DGKK: variants seen among roughly 807,000 people sequenced by gnomAD.
The protein encoded by DGKK is diacylglycerol kinase kappa, also known as 142 kDa diacylglycerol kinase.
DGKK carries 35 observed loss-of-function variants against 92.2 expected under a neutral mutation model. That is an observed-to-expected ratio of 0.38 (90% CI 0.29 to 0.50). DGKK has a LOEUF of 0.50. Ranked by LOEUF, DGKK falls within the 20% of genes least tolerant of loss-of-function variation. DGKK has a pLI of 0.92. For synonymous variants in DGKK, 368 were observed against 360.6 expected (o/e 1.02, Z -0.23); for missense variants, 910 against 992.2 (o/e 0.92, Z 1.11).
At chrX:50,446,395 C>T (rs1264675963) in intron 1 of DGKK, among the ~76,000 whole-genome samples, 1 of 111,245 alleles carries the variant, frequency 9.0e-6, no homozygotes, top group African/African-American at 3.3e-5. Flanking sequence ...GTTGTCATTA[C>T]TTTTTTATTT....
intron 8 of DGKK, 111 bp downstream of exon 8, chrX:50,400,926 C>A: frequency 1.4e-6 from 1 of 726,085 alleles, no homozygotes; most frequent in East Asian, 3.5e-5. Context: ...CCTACTTCCC[C>A]AAAATGTTTG....
chrX:50,447,871 TA>T (rs1227985455), intron 1 of DGKK, among the ~76,000 whole-genome samples: 8 of 110,412 alleles, frequency 7.2e-5, no homozygotes, highest in East Asian at 2.9e-4. Context: ...GCTTTTCAAT[TA>T]TTTTTTTTAA....
intron 1 of DGKK, among the ~76,000 whole-genome samples, chrX:50,442,699 A>G (rs1030085660): frequency 9.0e-6 from 1 of 111,346 alleles, no homozygotes; most frequent in Non-Finnish European, 1.9e-5. Flanking sequence ...ACCATTTATT[A>G]TCTCAGTTTC....
chrX:50,371,961 G>T, intron 25 of DGKK, 127 bp from the exon 26 acceptor site: 1 of 419,686 alleles, frequency 2.4e-6, no homozygotes, highest in Non-Finnish European at 4.1e-6. Context: ...TATCCCTTTG[G>T]CCCATAGCCA....
chrX:50,385,316 G>A (rs1924517574), intron 15 of DGKK, among the ~76,000 whole-genome samples: 1 of 111,542 alleles, frequency 9.0e-6, no homozygotes. Flanking sequence ...CCTTTCACCA[G>A]CCAAATGTTG....
At chrX:50,469,914 C>T in intron 1 of DGKK, 120 bp downstream of exon 1, 9 of 1,064,306 alleles carry the variant, frequency 8.5e-6, no homozygotes, top group South Asian at 2.9e-5. Flanking sequence ...TCTTTCTCAG[C>T]ATCTTGGCCA....
intron 8 of DGKK, 110 bp from the exon 9 acceptor site, chrX:50,393,445 G>T: frequency 1.6e-6 from 1 of 613,080 alleles, no homozygotes; most frequent in Non-Finnish European, 2.5e-6. Flanking sequence ...ATGAGTCTCA[G>T]TCTTTTGAAA....
chrX:50,425,187 C>T (rs1397886350), intron 1 of DGKK, among the ~76,000 whole-genome samples: 1 of 111,755 alleles, frequency 8.9e-6, no homozygotes, highest in African/African-American at 3.3e-5. Context: ...AAAATCACCA[C>T]ATCAAGGCTC....
intron 1 of DGKK, among the ~76,000 whole-genome samples, chrX:50,437,286 T>A (rs1340418971): frequency 3.6e-5 from 4 of 111,318 alleles, no homozygotes; most frequent in Non-Finnish European, 3.8e-5. Context: ...ACCATCCAGA[T>A]CTGCATCCTT....
rs1923983030 is a variant in DGKK, at chrX:50,366,688, T to C, written c.*2252A>G. ...GTCCTAAATTTGCTCATTTGGACAT[T>C]TTCCCCTTCGGAAAAAGCTCTTCTG... On this transcript the variant is annotated 3_prime_UTR_variant, in exon 28 of 28. Transcript: ENST00000611977. 8.9e-6 allele frequency: 1 copy of C among 112,012 alleles called. No homozygotes were observed. The highest frequency in any genetic ancestry group is 3.2e-5 in the African/African-American group (1 of 30,827). 9.2% of individuals were successfully genotyped at this position (112,012 alleles called of 1,213,427 possible). A position where few individuals can be genotyped will look rare whatever the true frequency, so the allele number is the denominator to read the frequency against.
chrX:50,406,794 T>C (rs1925165201), intron 4 of DGKK, among the ~76,000 whole-genome samples: 1 of 112,158 alleles, frequency 8.9e-6, no homozygotes, highest in Non-Finnish European at 1.9e-5. Flanking sequence ...AGCAAGTTGC[T>C]GTTGGTTTTA....
intron 1 of DGKK, among the ~76,000 whole-genome samples, chrX:50,446,207 T>C (rs1284641050): frequency 9.0e-6 from 1 of 110,905 alleles, no homozygotes; most frequent in Non-Finnish European, 1.9e-5. Flanking sequence ...TTTCTAGATA[T>C]AGAATCATGT....
chrX:50,375,574 C>A (rs782483819), intron 24 of DGKK, among the ~76,000 whole-genome samples: 1 of 111,689 alleles, frequency 9.0e-6, no homozygotes, highest in Non-Finnish European at 1.9e-5. Flanking sequence ...TGGCAGTGGA[C>A]AAAGCCATGG....
rs1924004211 is a variant in DGKK at position 50,367,629 on chromosome X, CTTAA to C, written c.*1307_*1310del. The C allele has an allele frequency of 9.0e-6, 1 of 111,206 alleles. No homozygotes were observed. The highest frequency in any genetic ancestry group is 3.3e-5 in the African/African-American group (1 of 30,520). 9.2% of individuals were successfully genotyped at this position (111,206 alleles called of 1,213,427 possible). Reference sequence around the variant, plus strand: ...TTGTGGGGAAGGGCCTAGGCTGTGACTTAATTGTCAGGCAGTCCCTAGTTCAGGC... The same window carrying C: ...TTGTGGGGAAGGGCCTAGGCTGTGACTTGTCAGGCAGTCCCTAGTTCAGGC... On this transcript the variant is annotated 3_prime_UTR_variant, in exon 28 of 28. Coordinates refer to ENST00000611977, the MANE Select transcript of DGKK (RefSeq NM_001013742.4).
intron 13 of DGKK, 111 bp from the exon 14 acceptor site, chrX:50,387,764 CCT>C (rs1924586116): frequency 2.0e-6 from 1 of 508,930 alleles, no homozygotes; most frequent in Non-Finnish European, 3.2e-6. Flanking sequence ...CCTGATCTGT[CCT>C]CTTTCTCTCA....
intron 1 of DGKK, among the ~76,000 whole-genome samples, chrX:50,440,496 A>G (rs1195396397): frequency 2.7e-5 from 3 of 111,815 alleles, no homozygotes; most frequent in African/African-American, 9.7e-5. Flanking sequence ...AGCCTAAAAC[A>G]AAAATCCAAC....
chrX:50,445,121 C>CTTTTTTT (rs57163220), intron 1 of DGKK, among the ~76,000 whole-genome samples: 2 of 67,489 alleles, frequency 3.0e-5, no homozygotes, highest in Non-Finnish European at 5.4e-5. Context: ...CCTTTGCCCA[C>CTTTTTTT]TTTTTTTTTT....
chrX:50,406,853 T>G, intron 4 of DGKK, among the ~76,000 whole-genome samples: 1 of 111,738 alleles, frequency 8.9e-6, no homozygotes, highest in Admixed American at 9.5e-5. Context: ...AGGAAACTAA[T>G]ACAGATTTTG....
chrX:50,425,900 C>A (rs1423184957), intron 1 of DGKK, among the ~76,000 whole-genome samples: 1 of 111,907 alleles, frequency 8.9e-6, no homozygotes, highest in Non-Finnish European at 1.9e-5. Context: ...TTCCTTTCCC[C>A]TTTCTGGCCA....
Sources: gnomAD v4.1 joint callset for allele counts (sites outside exome capture counted in the v4.1 genomes callset) on GRCh38, gnomAD v4.1.1 for gene constraint, MANE v1.5 for transcripts, NCBI Gene and HGNC (gene_info 2026-07-23, HGNC 2026-07-21) for gene names.